Variants in RGS7 observed in about 807,000 individuals in gnomAD.
RGS7 encodes regulator of G-protein signaling 7.
In RGS7, 27 loss-of-function variants were observed where a neutral mutation model predicts 81.1. The observed-to-expected ratio is 0.33, with a 90% confidence interval of 0.25 to 0.46. RGS7 has a LOEUF of 0.46. RGS7 is among the 20% of genes least tolerant of loss of function. The probability of loss-of-function intolerance (pLI) is 1.00; values close to 1 mark genes in which losing one functional copy is unlikely to be tolerated. For synonymous variants in RGS7, 208 were observed against 207.7 expected, an observed-to-expected ratio of 1.00 and a Z score of -0.01; for missense variants, 396 against 607.4, an observed-to-expected ratio of 0.65 and a Z score of 3.66.
intron 2 of RGS7, among the ~76,000 whole-genome samples, chr1:241,304,376 TG>T (rs2079956229): frequency 6.6e-6 from 1 of 152,180 alleles, no homozygotes; most frequent in African/African-American, 2.4e-5. Flanking sequence ...AGTATAACTC[TG>T]GAAGTAGAGA....
chr1:241,276,433 G>T (rs1487718393), intron 2 of RGS7, among the ~76,000 whole-genome samples: 1 of 152,096 alleles, frequency 6.6e-6, no homozygotes, highest in East Asian at 1.9e-4. Context: ...TAGCCAAAAA[G>T]AAAAAATATA....
At chr1:241,040,812 AC>A (rs1416465849) in intron 3 of RGS7, among the ~76,000 whole-genome samples, 1 of 152,102 alleles carries the variant, frequency 6.6e-6, no homozygotes, top group African/African-American at 2.4e-5. Context: ...AAACAAACAA[AC>A]AAACAAACGA....
intron 6 of RGS7, among the ~76,000 whole-genome samples, chr1:240,871,944 A>T (rs1427942842): frequency 1.3e-5 from 2 of 152,050 alleles, no homozygotes; most frequent in Non-Finnish European, 1.5e-5. Context: ...TGCCCATCTA[A>T]TCTTTATTAT....
intron 3 of RGS7, among the ~76,000 whole-genome samples, chr1:240,997,919 AG>A (rs1371097900): frequency 6.6e-6 from 1 of 152,220 alleles, no homozygotes; most frequent in African/African-American, 2.4e-5. Context: ...TGATATTCCA[AG>A]GTTCCTTTTC....
At chr1:241,082,597 G>C (rs1002233776) in intron 3 of RGS7, among the ~76,000 whole-genome samples, 7 of 152,082 alleles carry the variant, frequency 4.6e-5, no homozygotes, top group Non-Finnish European at 5.9e-5. Flanking sequence ...AAGCGAAGTT[G>C]GTTAACAGGT....
At chr1:240,935,095 C>T (rs966434504) in intron 5 of RGS7, among the ~76,000 whole-genome samples, 4 of 150,814 alleles carry the variant, frequency 2.7e-5, no homozygotes, top group Admixed American at 2.6e-4. Context: ...GATGAGGTTT[C>T]ACCATGTTGG....
intron 2 of RGS7, among the ~76,000 whole-genome samples, chr1:241,120,227 G>A (rs1013993497): frequency 3.3e-5 from 5 of 152,168 alleles, no homozygotes; most frequent in African/African-American, 1.2e-4. Flanking sequence ...GTTAAAATGG[G>A]CTTACCTTCC....
chr1:241,246,793 A>G (rs1177619926), intron 2 of RGS7, among the ~76,000 whole-genome samples: 1 of 151,926 alleles, frequency 6.6e-6, no homozygotes, highest in East Asian at 1.9e-4. Flanking sequence ...ATCTTGTAGA[A>G]TTAGAGGCCC....
At chr1:241,204,256 T>C (rs551836087) in intron 2 of RGS7, among the ~76,000 whole-genome samples, 74 of 152,272 alleles carry the variant, frequency 4.9e-4, no homozygotes, top group African/African-American at 1.7e-3. Flanking sequence ...GGGTAATTCA[T>C]TGGATTGAAA....
intron 18 of RGS7, among the ~76,000 whole-genome samples, chr1:240,779,370 G>T (rs1273511729): frequency 6.6e-6 from 1 of 152,010 alleles, no homozygotes. Context: ...GGCCAGCCTG[G>T]TCCCAAACTC....
intron 3 of RGS7, among the ~76,000 whole-genome samples, chr1:241,075,496 A>G (rs1425543452): frequency 6.6e-6 from 1 of 152,144 alleles, no homozygotes; most frequent in Non-Finnish European, 1.5e-5. Context: ...CAGGCCCTAG[A>G]TCAGGGGTGT....
intron 5 of RGS7, among the ~76,000 whole-genome samples, chr1:240,933,307 A>G (rs953931263): frequency 2.6e-5 from 4 of 151,900 alleles, no homozygotes; most frequent in African/African-American, 9.7e-5. Flanking sequence ...CTAACCTTAA[A>G]ATACCTATTC....
intron 9 of RGS7, 101 bp from the exon 10 acceptor site, chr1:240,827,273 C>T (rs1693003792): frequency 2.2e-6 from 2 of 896,928 alleles, no homozygotes; most frequent in East Asian, 4.9e-5. Flanking sequence ...AGCAAATGCC[C>T]CAATGACACA....
intron 2 of RGS7, among the ~76,000 whole-genome samples, chr1:241,324,123 A>T (rs899336919): frequency 6.6e-6 from 1 of 152,228 alleles, no homozygotes; most frequent in Non-Finnish European, 1.5e-5. Flanking sequence ...GATCAGGAGC[A>T]TGATGGTGAC....
chr1:240,808,290 G>A (rs564900324), intron 14 of RGS7, among the ~76,000 whole-genome samples: 106 of 152,236 alleles, frequency 7.0e-4, no homozygotes, highest in African/African-American at 2.5e-3. Flanking sequence ...GAGCCCCTCT[G>A]CTGGGGCAAG....
rs146874204 is a variant in RGS7 at position 241,093,424 on chromosome 1, C to T, written c.175+5242G>A. On this transcript the variant is annotated intron_variant, in intron 3 of 18. Coordinates refer to ENST00000440928, the MANE Select transcript of RGS7 (RefSeq NM_001364886.1). ...TATATGTAATCTATTTCCCCAGCAA[C>T]GGTAAAATACTAGCCCACAAAACCC... Among the ~76,000 whole-genome samples, 197 of 152,174 alleles carry T rather than the reference C, an allele frequency of 1.3e-3. 1 individual carries two copies. The highest frequency in any genetic ancestry group is 3.8e-3 in the African/African-American group (158 of 41,516).
intron 18 of RGS7, among the ~76,000 whole-genome samples, chr1:240,793,156 T>A (rs371862357): frequency 6.6e-6 from 1 of 152,092 alleles, no homozygotes; most frequent in Non-Finnish European, 1.5e-5. Flanking sequence ...ACAGCATTCC[T>A]TAGGAACCCC....
intron 18 of RGS7, among the ~76,000 whole-genome samples, chr1:240,783,580 G>A (rs1436688073): frequency 2.6e-5 from 4 of 151,708 alleles, no homozygotes; most frequent in Non-Finnish European, 2.9e-5. Context: ...CCGAGATTGC[G>A]CCACTGCACT....
At chr1:241,338,953 C>A (rs571753362) in intron 2 of RGS7, among the ~76,000 whole-genome samples, 1 of 151,890 alleles carries the variant, frequency 6.6e-6, no homozygotes, top group Non-Finnish European at 1.5e-5. Flanking sequence ...CATAGGTGAA[C>A]GTGTGTCATG....
Sources: gnomAD v4.1 joint callset for allele counts (sites outside exome capture counted in the v4.1 genomes callset) on GRCh38, gnomAD v4.1.1 for gene constraint, MANE v1.5 for transcripts, NCBI Gene and HGNC (gene_info 2026-07-23, HGNC 2026-07-21) for gene names.